Variants in NUFIP1 observed in about 807,000 individuals in gnomAD.
NUFIP1 encodes nuclear FMR1 interacting protein 1.
A neutral mutation model predicts 56.2 loss-of-function variants in NUFIP1; 38 were observed. The observed-to-expected ratio is 0.68, with a 90% CI of 0.52 to 0.89. NUFIP1 has a LOEUF of 0.89. Among genes scored for constraint, NUFIP1 ranks in the 40% least tolerant of loss-of-function variants. NUFIP1 has a pLI of 0.00. For synonymous variants in NUFIP1, 215 were observed against 212.4 expected (o/e 1.01, Z -0.10); for missense variants, 567 against 605.8 (o/e 0.94, Z 0.67).
At chr13:44,961,847 G>C (rs181211669) in intron 6 of NUFIP1, among the ~76,000 whole-genome samples, 1 of 152,124 alleles carries the variant, frequency 6.6e-6, no homozygotes, top group Admixed American at 6.6e-5. Context: ...CATCATTAAG[G>C]TATTCACTAA....
intron 1 of NUFIP1, among the ~76,000 whole-genome samples, chr13:44,985,336 T>C (rs974721117): frequency 6.7e-6 from 1 of 148,230 alleles, no homozygotes; most frequent in Non-Finnish European, 1.5e-5. Context: ...GCAAAAAAAC[T>C]TTAAATTATC....
chr13:44,953,838 C>T (rs1348298201), intron 7 of NUFIP1, among the ~76,000 whole-genome samples: 2 of 152,060 alleles, frequency 1.3e-5, no homozygotes, highest in Non-Finnish European at 1.5e-5. Context: ...GCTCACTATA[C>T]TTGACTTACC....
chr13:44,946,683 C>A (rs1313508464), intron 8 of NUFIP1, among the ~76,000 whole-genome samples: 1 of 152,094 alleles, frequency 6.6e-6, no homozygotes, highest in Admixed American at 6.5e-5. Flanking sequence ...CATGCTAATT[C>A]TTAAGTCAAG....
chr13:44,964,930 G>A (rs79786383), intron 6 of NUFIP1, among the ~76,000 whole-genome samples: 34 of 152,314 alleles, frequency 2.2e-4, no homozygotes, highest in Admixed American at 8.5e-4. Flanking sequence ...GGATGAAACC[G>A]TTTCTAAGTA....
At chr13:44,968,498 G>A (rs1871690016) in intron 5 of NUFIP1, among the ~76,000 whole-genome samples, 1 of 151,526 alleles carries the variant, frequency 6.6e-6, no homozygotes, top group Non-Finnish European at 1.5e-5. Context: ...AAAGATGAAA[G>A]GAACTATTTG....
At chr13:44,971,397 C>T (rs949352151) in intron 5 of NUFIP1, among the ~76,000 whole-genome samples, 58 of 152,102 alleles carry the variant, frequency 3.8e-4, no homozygotes, top group African/African-American at 1.4e-3. Flanking sequence ...CTCTGGAAAC[C>T]AGAGCTAGAC....
Position 44,959,556 on chromosome 13 carries a change from G to A in NUFIP1, c.846C>T (p.Ser282=), listed in dbSNP as rs1357244682. ...TGATCTTTGCCATTTGTGAATGTCT[G>A]GACATCCCCTTCATCTTGCTGGAGT... ...TTQYGKMKGM[S]RHSQMAKIRS... is the part of the protein sequence containing the mutation. Residue 282 remains serine, a synonymous_variant, in exon 7 of 10, where the codon TCC becomes TCT. Transcript: ENST00000379161. 2.5e-6 allele frequency: 4 copies of A among 1,610,752 alleles called. No individual in the cohort carries two copies. In the Admixed American group the frequency reaches 5.1e-5, roughly 20 times the overall value.
At chr13:44,980,652 T>C in intron 3 of NUFIP1, 70 bp downstream of exon 3, 1 of 1,055,576 alleles carries the variant, frequency 9.5e-7, no homozygotes, top group South Asian at 1.4e-5. Flanking sequence ...AAGCTTGGCA[T>C]TTCTACCAAA....
intron 7 of NUFIP1, among the ~76,000 whole-genome samples, chr13:44,958,119 C>G (rs1180793623): frequency 6.6e-6 from 1 of 152,148 alleles, no homozygotes; most frequent in East Asian, 1.9e-4. Flanking sequence ...TAGACTCAAA[C>G]AATATTTTTT....
chr13:44,981,517 G>A (rs1872188675), intron 2 of NUFIP1, among the ~76,000 whole-genome samples: 1 of 152,138 alleles, frequency 6.6e-6, no homozygotes, highest in Non-Finnish European at 1.5e-5. Flanking sequence ...CGTTGTTCAA[G>A]TATCAACTAT....
At chr13:44,981,112 T>C (rs1872173314) in intron 2 of NUFIP1, among the ~76,000 whole-genome samples, 1 of 152,268 alleles carries the variant, frequency 6.6e-6, no homozygotes, top group Non-Finnish European at 1.5e-5. Flanking sequence ...TAAGACTCAG[T>C]ACAGAATATG....
chr13:44,970,515 A>G (rs1871765644), intron 5 of NUFIP1, among the ~76,000 whole-genome samples: 1 of 152,236 alleles, frequency 6.6e-6, no homozygotes, highest in Non-Finnish European at 1.5e-5. Flanking sequence ...GCTTCATCGG[A>G]AAGAATGTAG....
intron 1 of NUFIP1, among the ~76,000 whole-genome samples, chr13:44,986,942 C>A (rs1872419985): frequency 6.6e-6 from 1 of 152,154 alleles, no homozygotes; most frequent in Admixed American, 6.5e-5. Flanking sequence ...CTGCCTCAGC[C>A]TCCCATGCTT....
chr13:44,954,809 T>A (rs575393682), intron 7 of NUFIP1, among the ~76,000 whole-genome samples: 85 of 152,376 alleles, frequency 5.6e-4, no homozygotes, highest in East Asian at 2.1e-3. Flanking sequence ...TGGGTATCCA[T>A]GACACCTGAT....
chr13:44,970,306 G>A (rs774287100), intron 5 of NUFIP1, among the ~76,000 whole-genome samples: 1 of 152,124 alleles, frequency 6.6e-6, no homozygotes, highest in Non-Finnish European at 1.5e-5. Flanking sequence ...CCCTGAGTCT[G>A]ACTAACCTGA....
intron 7 of NUFIP1, among the ~76,000 whole-genome samples, chr13:44,955,013 T>A (rs1306191080): frequency 2.0e-5 from 3 of 152,234 alleles, no homozygotes; most frequent in Admixed American, 2.0e-4. Flanking sequence ...GCTACCTTAC[T>A]GACCCACTTT....
At chr13:44,943,962 G>A (rs1870833510) in intron 8 of NUFIP1, among the ~76,000 whole-genome samples, 1 of 152,072 alleles carries the variant, frequency 6.6e-6, no homozygotes, top group African/African-American at 2.4e-5. Context: ...TACAAAGGAA[G>A]GATAAGTGCT....
intron 9 of NUFIP1, among the ~76,000 whole-genome samples, chr13:44,941,644 G>A (rs922172820): frequency 1.3e-5 from 2 of 151,986 alleles, no homozygotes; most frequent in East Asian, 3.9e-4. Flanking sequence ...CTCCCGAGTA[G>A]CTGGGACTAC....
At chr13:44,972,259 C>T (rs1485874495) in intron 5 of NUFIP1, among the ~76,000 whole-genome samples, 1 of 152,206 alleles carries the variant, frequency 6.6e-6, no homozygotes, top group African/African-American at 2.4e-5. Context: ...GGAAACAACA[C>T]TCAACTGAGA....
Sources: gnomAD v4.1 joint callset for allele counts (sites outside exome capture counted in the v4.1 genomes callset) on GRCh38, gnomAD v4.1.1 for gene constraint, MANE v1.5 for transcripts, NCBI Gene and HGNC (gene_info 2026-07-23, HGNC 2026-07-21) for gene names.